STK24: variants seen among roughly 807,000 people sequenced by gnomAD.
The protein encoded by STK24 is serine/threonine-protein kinase 24.
In STK24, 21 loss-of-function variants were observed where a neutral mutation model predicts 55.6. The ratio of observed to expected loss-of-function variants is 0.38; its 90% CI spans 0.27 to 0.54. STK24 has a LOEUF of 0.54. Among genes scored for constraint, STK24 ranks in the 20% least tolerant of loss-of-function variants. STK24 has a pLI of 0.79. For synonymous variants in STK24, 200 were observed against 215.2 expected (o/e 0.93, Z 0.62); for missense variants, 383 against 538.4 (o/e 0.71, Z 2.86).
chr13:98,463,370 T>C (rs1382803067), intron 7 of STK24, among the ~76,000 whole-genome samples: 1 of 152,172 alleles, frequency 6.6e-6, no homozygotes, highest in Non-Finnish European at 1.5e-5. Flanking sequence ...CAGTTTCACC[T>C]GATCAGGGTT....
intron 1 of STK24, among the ~76,000 whole-genome samples, chr13:98,560,252 C>T (rs1897384734): frequency 6.6e-6 from 1 of 152,196 alleles, no homozygotes; most frequent in South Asian, 2.1e-4. Context: ...CTGCTCAACG[C>T]TATGGCTCAA....
At chr13:98,570,080 T>C (rs1204571673) in intron 1 of STK24, among the ~76,000 whole-genome samples, 1 of 151,936 alleles carries the variant, frequency 6.6e-6, no homozygotes, top group African/African-American at 2.4e-5. Flanking sequence ...AGTTTCACCA[T>C]GTTGGCCAGG....
intron 2 of STK24, among the ~76,000 whole-genome samples, chr13:98,507,353 C>G (rs538438611): frequency 6.6e-6 from 1 of 152,272 alleles, no homozygotes; most frequent in South Asian, 2.1e-4. Context: ...GCTTTGAAAG[C>G]CTGAGCAAAT....
At chr13:98,493,227 T>C (rs1895109207) in intron 2 of STK24, among the ~76,000 whole-genome samples, 1 of 152,220 alleles carries the variant, frequency 6.6e-6, no homozygotes, top group South Asian at 2.1e-4. Flanking sequence ...AAGGGTTGCG[T>C]GTGTGCGTGT....
At position 98,448,272 on chromosome 13, in the gene STK24, C is replaced by T; in HGVS notation, c.*4901G>A. 1 of 1,614,158 alleles carries T rather than the reference C, an allele frequency of 6.2e-7. No homozygotes were observed. The highest frequency in any genetic ancestry group is 8.5e-7 in the Non-Finnish European group (1 of 1,179,976). ...TGATCCGCAGTGCCACCAGCTCTGCCTCGCGACCCCACGTGTTGAGTCACA... is the reference window on the plus strand; with the variant it reads ...TGATCCGCAGTGCCACCAGCTCTGCTTCGCGACCCCACGTGTTGAGTCACA... On this transcript the variant is annotated 3_prime_UTR_variant, in exon 11 of 11. Coordinates refer to ENST00000539966, the MANE Select transcript of STK24 (RefSeq NM_001032296.4).
intron 1 of STK24, chr13:98,522,119 C>T (rs1235390035): frequency 6.3e-6 from 8 of 1,270,388 alleles, no homozygotes; most frequent in South Asian, 5.8e-5. Flanking sequence ...GCTGCAATGT[C>T]GTGTCTGAGC....
At chr13:98,521,927 G>A in intron 1 of STK24, 1 of 1,124,604 alleles carries the variant, frequency 8.9e-7, no homozygotes, top group African/African-American at 1.5e-5. Flanking sequence ...CTCTCTGCTG[G>A]CTCTCTGCCC....
Position 98,448,154 on chromosome 13 carries a change from G to C in STK24, c.*5019C>G. The C allele has an allele frequency of 2.5e-6, 3 of 1,207,154 alleles. No individual in the cohort carries two copies. The South Asian group carries it at 3.6e-5, about 15-fold the overall frequency. The allele number at this position is 1,207,154 out of a possible 1,614,324, so 74.8% of individuals were successfully genotyped here. On this transcript the variant is annotated 3_prime_UTR_variant, in exon 11 of 11. Coordinates refer to ENST00000539966, the MANE Select transcript of STK24 (RefSeq NM_001032296.4). ...CAACCAGGCGGCCTGACTTCACCTT[G>C]TGTTTCTGTAAGCGATGCCCACCAA...
intron 1 of STK24, among the ~76,000 whole-genome samples, chr13:98,551,701 T>C (rs1283903135): frequency 6.6e-6 from 1 of 152,154 alleles, no homozygotes; most frequent in African/African-American, 2.4e-5. Context: ...ACCCAGTTTG[T>C]ACCTCTCTCT....
rs1340342476 is a variant in STK24, at chr13:98,450,744, G to A, written c.*2429C>T. On this transcript the variant is annotated 3_prime_UTR_variant, in exon 11 of 11. Coordinates refer to ENST00000539966, the MANE Select transcript of STK24 (RefSeq NM_001032296.4). The stretch of plus-strand genomic sequence containing the variant: ...TGGCTACAGACCAGCAGCAGTTGAC[G>A]CTGAGGCAGGTTCCAGTGGTAGCCC... 2 of 152,278 alleles carry A rather than the reference G, an allele frequency of 1.3e-5. No individual in the cohort carries two copies. Among genetic ancestry groups the A allele is most frequent in the Non-Finnish European group, 2.9e-5 (2 of 68,082 alleles). The allele number at this position is 152,278 out of a possible 1,614,324, so 9.4% of individuals were successfully genotyped here. A position where few individuals can be genotyped will look rare whatever the true frequency, so the allele number is the denominator to read the frequency against.
At chr13:98,454,572 G>A (rs1395362397) in intron 10 of STK24, 1 of 152,246 alleles carries the variant, frequency 6.6e-6, no homozygotes, top group Non-Finnish European at 1.5e-5. Flanking sequence ...CACGGGATGA[G>A]TTGATGTCAC....
intron 1 of STK24, among the ~76,000 whole-genome samples, chr13:98,540,410 TTCTG>T (rs1221061165): frequency 1.3e-5 from 2 of 152,202 alleles, no homozygotes; most frequent in South Asian, 4.1e-4. Context: ...ACCTTTAGAC[TTCTG>T]TCTCTCACAA....
In STK24 at chr13:98,453,371, T is replaced by C. The variant is rs1893292305; in HGVS notation, c.1260-162A>G. On this transcript the variant is annotated intron_variant, in intron 10 of 10. Transcript: ENST00000539966. The stretch of plus-strand genomic sequence containing the variant: ...GTAAGTCTAATTTTAAAAGAATGCA[T>C]ATAAAGACTGAGAAGATCATGATTC... 5 of 687,586 alleles carry C rather than the reference T, an allele frequency of 7.3e-6. 1 individual carries two copies. Among genetic ancestry groups the C allele is most frequent in the South Asian group, 4.0e-5 (2 of 49,554 alleles). 42.6% of individuals were successfully genotyped at this position (687,586 alleles called of 1,614,324 possible).
intron 1 of STK24, among the ~76,000 whole-genome samples, chr13:98,551,441 T>C (rs1376545208): frequency 6.6e-6 from 1 of 152,016 alleles, no homozygotes; most frequent in Non-Finnish European, 1.5e-5. Context: ...ACCCCCGTCA[T>C]ACTTTCTCTT....
At chr13:98,459,377 C>T (rs929280006) in intron 9 of STK24, among the ~76,000 whole-genome samples, 3 of 152,244 alleles carry the variant, frequency 2.0e-5, no homozygotes, top group Admixed American at 6.5e-5. Flanking sequence ...GGTGAGGCCT[C>T]GGGCTCTGGC....
chr13:98,494,564 A>T (rs1423816533), intron 2 of STK24, among the ~76,000 whole-genome samples: 1 of 152,156 alleles, frequency 6.6e-6, no homozygotes, highest in Non-Finnish European at 1.5e-5. Flanking sequence ...ACCCCAAGCT[A>T]AACAGCTTCC....
At chr13:98,546,812 G>A (rs1269186064) in intron 1 of STK24, among the ~76,000 whole-genome samples, 1 of 152,074 alleles carries the variant, frequency 6.6e-6, no homozygotes, top group Non-Finnish European at 1.5e-5. Flanking sequence ...TGAACTCCTT[G>A]TGTTTGTCAT....
intron 10 of STK24, chr13:98,455,070 AAC>A: frequency 6.6e-6 from 1 of 152,240 alleles, no homozygotes; most frequent in Admixed American, 6.5e-5. Flanking sequence ...CTAAGTGTAA[AAC>A]ACACACCAAC....
intron 1 of STK24, among the ~76,000 whole-genome samples, chr13:98,570,952 C>G (rs897855953): frequency 2.6e-5 from 4 of 152,104 alleles, no homozygotes; most frequent in Non-Finnish European, 5.9e-5. Flanking sequence ...CTCACACCAC[C>G]CACAAGATTC....
Sources: allele counts gnomAD v4.1 joint callset (sites outside exome capture counted in the v4.1 genomes callset), GRCh38; gene constraint gnomAD v4.1.1; transcripts MANE v1.5; gene names NCBI Gene and HGNC (gene_info 2026-07-23, HGNC 2026-07-21).